Variants in CACNA2D1 observed in about 807,000 individuals in gnomAD.
CACNA2D1 encodes calcium voltage-gated channel auxiliary subunit alpha2delta 1, also known as voltage-dependent calcium channel subunit alpha-2/delta-1.
A neutral mutation model predicts 171.5 loss-of-function variants in CACNA2D1; 53 were observed. That is an observed-to-expected ratio of 0.31 (90% CI 0.25 to 0.39). The LOEUF (loss-of-function observed/expected upper bound fraction) is 0.39. CACNA2D1 is among the 10% of genes least tolerant of loss of function. The probability of loss-of-function intolerance (pLI) is 1.00; values close to 1 mark genes in which losing one functional copy is unlikely to be tolerated. For missense variants in CACNA2D1, 903 were observed against 1,299.8 expected (o/e 0.69, Z 4.69); for synonymous variants, 442 against 443.1 (o/e 1.00, Z 0.03).
chr7:82,281,174 G>A (rs1810049852), intron 3 of CACNA2D1, among the ~76,000 whole-genome samples: 1 of 152,296 alleles, frequency 6.6e-6, no homozygotes, highest in East Asian at 1.9e-4. Context: ...TGGGGCCAGT[G>A]GAAAAGAGAG....
chr7:81,983,483 C>A, intron 22 of CACNA2D1, 149 bp from the exon 23 acceptor site: 1 of 685,250 alleles, frequency 1.5e-6, no homozygotes, highest in South Asian at 1.7e-5. Context: ...CAGCTGTAGT[C>A]TGAGGAAAAA....
chr7:82,379,204 T>A (rs1823393971), intron 1 of CACNA2D1, among the ~76,000 whole-genome samples: 1 of 152,128 alleles, frequency 6.6e-6, no homozygotes, highest in African/African-American at 2.4e-5. Flanking sequence ...AGCATTATAG[T>A]TCATTTGTAA....
chr7:82,091,384 A>C (rs1165839672), intron 6 of CACNA2D1, among the ~76,000 whole-genome samples: 1 of 152,166 alleles, frequency 6.6e-6, no homozygotes, highest in Non-Finnish European at 1.5e-5. Context: ...TGTCCTTGTC[A>C]GTTGTCTAGC....
intron 10 of CACNA2D1, chr7:82,051,055 C>T (rs894579678): frequency 2.4e-5 from 4 of 168,928 alleles, no homozygotes; most frequent in African/African-American, 9.6e-5. Flanking sequence ...AGGATCATTC[C>T]ATCGCGTTGC....
intron 3 of CACNA2D1, among the ~76,000 whole-genome samples, chr7:82,298,063 T>G (rs1230171199): frequency 6.6e-6 from 1 of 151,918 alleles, no homozygotes; most frequent in African/African-American, 2.4e-5. Flanking sequence ...ATTCAAAAAC[T>G]CTTCAATACA....
intron 6 of CACNA2D1, among the ~76,000 whole-genome samples, chr7:82,089,512 A>T (rs1280572100): frequency 6.6e-6 from 1 of 152,186 alleles, no homozygotes; most frequent in East Asian, 1.9e-4. Context: ...TGAACGGCAT[A>T]ATAGGATTTC....
At chr7:82,135,246 T>C (rs1022546558) in intron 5 of CACNA2D1, among the ~76,000 whole-genome samples, 2 of 152,052 alleles carry the variant, frequency 1.3e-5, no homozygotes, top group Admixed American at 6.6e-5. Context: ...GGAAGGTTGA[T>C]GAAGATTTTG....
At chr7:82,078,182 A>G (rs1302343332) in intron 7 of CACNA2D1, among the ~76,000 whole-genome samples, 1 of 152,176 alleles carries the variant, frequency 6.6e-6, no homozygotes, top group Admixed American at 6.5e-5. Flanking sequence ...GAAATTAACA[A>G]ACGAGGCAGG....
intron 1 of CACNA2D1, among the ~76,000 whole-genome samples, chr7:82,432,047 A>G (rs1829732570): frequency 1.3e-5 from 2 of 151,306 alleles, no homozygotes; most frequent in Admixed American, 1.3e-4. Flanking sequence ...TAAAAAAAAA[A>G]AAAAAAAAAA....
chr7:82,181,240 G>C (rs1390120055), intron 3 of CACNA2D1, among the ~76,000 whole-genome samples: 2 of 151,820 alleles, frequency 1.3e-5, no homozygotes, highest in African/African-American at 2.4e-5. Flanking sequence ...ACAAATTTAT[G>C]ACACACCATG....
intron 3 of CACNA2D1, among the ~76,000 whole-genome samples, chr7:82,324,866 A>C (rs1358111369): frequency 7.1e-6 from 1 of 141,054 alleles, no homozygotes; most frequent in Non-Finnish European, 1.7e-5. Flanking sequence ...TAACCACCTA[A>C]AGAAAACAGT....
In CACNA2D1 at chr7:82,222,658, C is replaced by T. The variant is rs74717566; in HGVS notation, c.295-52049G>A. Among the ~76,000 whole-genome samples, 1,199 of 152,192 alleles carry T rather than the reference C, an allele frequency of 7.9e-3. 10 individuals carry two copies. The highest frequency in any genetic ancestry group is 0.027 in the African/African-American group (1,124 of 41,524). On this transcript the variant is annotated intron_variant, in intron 3 of 38. Transcript: ENST00000356860. Reference sequence around the variant, plus strand: ...TACTGCTTTTGACTTTCTAATACAACACTTTTTTTTCCTTTAACATGGGCT... The same window carrying T: ...TACTGCTTTTGACTTTCTAATACAATACTTTTTTTTCCTTTAACATGGGCT...
intron 3 of CACNA2D1, among the ~76,000 whole-genome samples, chr7:82,330,448 T>C (rs996605826): frequency 1.3e-5 from 2 of 152,116 alleles, no homozygotes; most frequent in African/African-American, 4.8e-5. Flanking sequence ...ACCTGAATTA[T>C]CAAAGACTGT....
chr7:82,320,069 ATT>A, intron 3 of CACNA2D1, among the ~76,000 whole-genome samples: 1 of 148,490 alleles, frequency 6.7e-6, no homozygotes. Flanking sequence ...TCTGAGGCTG[ATT>A]TTTTTTTTTT....
intron 1 of CACNA2D1, among the ~76,000 whole-genome samples, chr7:82,430,920 T>C (rs1053819212): frequency 3.9e-5 from 6 of 152,212 alleles, no homozygotes; most frequent in African/African-American, 1.4e-4. Flanking sequence ...TGAGAGGATA[T>C]TGGTGGTAAA....
At chr7:82,125,616 G>A (rs1401083759) in intron 5 of CACNA2D1, among the ~76,000 whole-genome samples, 3 of 151,970 alleles carry the variant, frequency 2.0e-5, no homozygotes, top group Non-Finnish European at 2.9e-5. Context: ...GATGGCAAGT[G>A]CCCGTAGTGC....
chr7:82,048,156 A>G (rs538791529), intron 10 of CACNA2D1, among the ~76,000 whole-genome samples: 24 of 152,300 alleles, frequency 1.6e-4, no homozygotes, highest in African/African-American at 5.8e-4. Context: ...ACAGCTGATG[A>G]CAGTTATCAA....
chr7:82,173,451 T>C (rs1158464123), intron 3 of CACNA2D1, among the ~76,000 whole-genome samples: 1 of 152,036 alleles, frequency 6.6e-6, no homozygotes, highest in African/African-American at 2.4e-5. Flanking sequence ...ATTTTAGAAA[T>C]ATATAATCAT....
At chr7:82,304,358 A>G (rs1003257256) in intron 3 of CACNA2D1, among the ~76,000 whole-genome samples, 6 of 151,962 alleles carry the variant, frequency 3.9e-5, no homozygotes, top group Non-Finnish European at 7.4e-5. Flanking sequence ...TCCAAAAAAA[A>G]AAAAAAAGAA....
Sources: gnomAD v4.1 joint callset for allele counts (sites outside exome capture counted in the v4.1 genomes callset) on GRCh38, gnomAD v4.1.1 for gene constraint, MANE v1.5 for transcripts, NCBI Gene and HGNC (gene_info 2026-07-23, HGNC 2026-07-21) for gene names.